Variants in TBCD observed in about 807,000 individuals in gnomAD.
The protein encoded by TBCD is tubulin folding cofactor D.
Under a neutral mutation model 169.3 loss-of-function variants are expected in TBCD, and 105 were observed. The ratio of observed to expected loss-of-function variants is 0.62; its 90% CI spans 0.53 to 0.73. The LOEUF is 0.73. TBCD is among the 30% of genes least tolerant of loss of function. The pLI is 0.00. For missense variants in TBCD, 1,444 were observed against 1,600.1 expected (o/e 0.90, Z 1.66); for synonymous variants, 700 against 643.9 (o/e 1.09, Z -1.32).
intron 14 of TBCD, among the ~76,000 whole-genome samples, 167 bp from the exon 15 acceptor site, chr17:82,883,976 CAT>C (rs1397197030): frequency 1.3e-5 from 2 of 152,154 alleles, no homozygotes; most frequent in African/African-American, 4.8e-5. Flanking sequence ...TTGGGGGTCA[CAT>C]GTGTCTGTCT....
At chr17:82,863,989 G>A (rs2056980381) in intron 13 of TBCD, among the ~76,000 whole-genome samples, 1 of 152,204 alleles carries the variant, frequency 6.6e-6, no homozygotes, top group Non-Finnish European at 1.5e-5. Context: ...CCACCCTCAG[G>A]ACTAAATGCA....
chr17:82,768,552 C>T lies in TBCD; in HGVS notation c.568C>T (p.Leu190Phe). 1 of 1,613,970 alleles carries T rather than the reference C, an allele frequency of 6.2e-7. No individual in the cohort carries two copies. The highest frequency in any genetic ancestry group is 1.1e-5 in the South Asian group (1 of 91,074). Residue 190 changes from leucine to phenylalanine, a missense_variant, in exon 5 of 39, where the codon CTC becomes TTC. Leu to Phe is a conservative substitution (Grantham distance 22). Transcript: ENST00000355528. ...QARMSIMDRI[L>F]QIAESYLIVS... is the part of the protein sequence containing the mutation. ...ACGAATGTCCATAATGGACCGTATT[C>T]TCCAAATAGCAGAGGTAAATATCAT...
At chr17:82,916,337 C>CA (rs1415839546) in intron 23 of TBCD, among the ~76,000 whole-genome samples, 1 of 152,108 alleles carries the variant, frequency 6.6e-6, no homozygotes, top group African/African-American at 2.4e-5. Flanking sequence ...CTCCATCTCC[C>CA]AGGTTCAAGT....
intron 13 of TBCD, among the ~76,000 whole-genome samples, chr17:82,843,529 A>C (rs60459805): frequency 0.019 from 406 of 21,688 alleles, no homozygotes; most frequent in African/African-American, 0.025. Context: ...CCTTCCCCTC[A>C]CCATCCAGCT....
At chr17:82,933,735 C>G (rs1312159610) in intron 34 of TBCD, among the ~76,000 whole-genome samples, 2 of 152,150 alleles carry the variant, frequency 1.3e-5, no homozygotes, top group Non-Finnish European at 1.5e-5. Flanking sequence ...TCGCAGACTT[C>G]TGAGTAGCTG....
At position 82,923,610 on chromosome 17, in the gene TBCD, G is replaced by A. The variant is rs374105387; in HGVS notation, c.2179-42G>A. 13 of 1,516,046 alleles carry A rather than the reference G, an allele frequency of 8.6e-6. No individual in the cohort carries two copies. The highest frequency in any genetic ancestry group is 2.0e-5 in the Admixed American group (1 of 50,416). The allele number at this position is 1,516,046 out of a possible 1,614,324, so 93.9% of individuals were successfully genotyped here. ...TCTGTCCCTGGCCGGGGGCTTCTCC[G>A]AGCAGAGCTGCTGTGCGCTCACCGT... On this transcript the variant is annotated intron_variant, in intron 25 of 38. Coordinates refer to ENST00000355528, the MANE Select transcript of TBCD (RefSeq NM_005993.5). The surrounding 1 kb of genome is among the most constrained non-coding windows in gnomAD (Gnocchi z 4.6).
intron 13 of TBCD, among the ~76,000 whole-genome samples, chr17:82,867,208 G>T (rs543749397): frequency 1.3e-5 from 2 of 152,218 alleles, no homozygotes; most frequent in South Asian, 4.1e-4. Flanking sequence ...TCCCTTGGGG[G>T]CTTCTCACAG....
intron 30 of TBCD, among the ~76,000 whole-genome samples, chr17:82,928,855 A>C (rs182079516): frequency 7.9e-5 from 12 of 152,138 alleles, no homozygotes; most frequent in African/African-American, 2.9e-4. Context: ...AACACGTAGC[A>C]CATGTGTAAC....
chr17:82,754,705 C>T (rs1213192956), intron 1 of TBCD, among the ~76,000 whole-genome samples: 1 of 152,178 alleles, frequency 6.6e-6, no homozygotes, highest in Admixed American at 6.5e-5. Flanking sequence ...TCAGATCTGC[C>T]CCATTGCCAT....
At chr17:82,887,168 T>TGCGCGCGCGC (rs113145269) in intron 15 of TBCD, among the ~76,000 whole-genome samples, 20 of 126,184 alleles carry the variant, frequency 1.6e-4, no homozygotes, top group South Asian at 8.8e-4. Context: ...TGTGTGTGTG[T>TGCGCGCGCGC]GCGCGCGCGC....
rs536238052 is a variant in TBCD at position 82,779,374 on chromosome 17, G to A, written c.639-2215G>A. Among the ~76,000 whole-genome samples the A allele has an allele frequency of 2.4e-4, 37 of 152,152 alleles. No homozygotes were observed. In the South Asian group the frequency reaches 7.5e-3, roughly 31 times the overall value. Reference sequence around the variant, plus strand: ...GAACTCAAGCTATTCACCCACCTCCGCCTCCCAAATTGCTGGGATTACAGG... The same window carrying A: ...GAACTCAAGCTATTCACCCACCTCCACCTCCCAAATTGCTGGGATTACAGG... On this transcript the variant is annotated intron_variant, in intron 6 of 38. Coordinates refer to ENST00000355528, the MANE Select transcript of TBCD (RefSeq NM_005993.5).
At chr17:82,934,800 T>TA (rs1418803716) in intron 34 of TBCD, among the ~76,000 whole-genome samples, 1 of 151,842 alleles carries the variant, frequency 6.6e-6, no homozygotes, top group Non-Finnish European at 1.5e-5. Flanking sequence ...TTTTCTGGCT[T>TA]AAAAATTTCA....
chr17:82,841,693 C>T (rs756031679), intron 13 of TBCD, among the ~76,000 whole-genome samples: 1 of 152,202 alleles, frequency 6.6e-6, no homozygotes, highest in African/African-American at 2.4e-5. Context: ...TTAAAACAAG[C>T]ACCGTTTTAT....
Position 82,920,067 on chromosome 17 carries a change from G to A in TBCD, c.2039-489G>A, listed in dbSNP as rs1471051065. ...CTGTCTCGTGCGTCCTGGCCCCCTC[G>A]TGGCTGGTCAGGGCCACGTTTCTGG... On this transcript the variant is annotated intron_variant, in intron 23 of 38. Transcript: ENST00000355528. The surrounding 1 kb of genome is among the most constrained non-coding windows in gnomAD (Gnocchi z 4.1). Among the ~76,000 whole-genome samples the A allele has an allele frequency of 6.6e-6, 1 of 152,178 alleles. No homozygotes were observed. The highest frequency in any genetic ancestry group is 1.9e-4 in the East Asian group (1 of 5,190).
intron 20 of TBCD, among the ~76,000 whole-genome samples, chr17:82,906,868 G>T (rs2060288266): frequency 6.6e-6 from 1 of 152,240 alleles, no homozygotes; most frequent in Non-Finnish European, 1.5e-5. Flanking sequence ...GCAAGACCTG[G>T]CCTTTATGGC....
In TBCD at chr17:82,927,261, C is replaced by T. The variant is rs2061834295; in HGVS notation, c.2547C>T (p.Tyr849=). ...GCGGAGAGAATGTTTCCCAGATTTACTGTGCGCTGCTGGGCTGCATGGACG... is the reference window on the plus strand; with the variant it reads ...GCGGAGAGAATGTTTCCCAGATTTATTGTGCGCTGCTGGGCTGCATGGACG... The part of the protein sequence containing the change: ...AVCGENVSQI[Y]CALLGCMDDY... Residue 849 remains tyrosine (Y), a synonymous_variant, in exon 29 of 39, where the codon TAC becomes TAT. Coordinates refer to ENST00000355528, the MANE Select transcript of TBCD (RefSeq NM_005993.5). The T allele has an allele frequency of 1.2e-6, 2 of 1,614,058 alleles. No individual in the cohort carries two copies. The highest frequency in any genetic ancestry group is 1.3e-5 in the African/African-American group (1 of 75,054).
At chr17:82,925,534 C>G (rs887091925) in intron 27 of TBCD, among the ~76,000 whole-genome samples, 3 of 152,138 alleles carry the variant, frequency 2.0e-5, no homozygotes, top group Non-Finnish European at 4.4e-5. Context: ...CTGCCGGGAA[C>G]TCCTGCTTGT....
chr17:82,798,811 C>T (rs1441031300), intron 8 of TBCD, among the ~76,000 whole-genome samples: 1 of 152,188 alleles, frequency 6.6e-6, no homozygotes, highest in African/African-American at 2.4e-5. Context: ...ATACATGACA[C>T]AGCTCACTGC....
intron 13 of TBCD, among the ~76,000 whole-genome samples, chr17:82,834,877 T>C (rs1049984516): frequency 1.3e-5 from 2 of 150,474 alleles, no homozygotes; most frequent in African/African-American, 5.0e-5. Context: ...ACTTAAAGTA[T>C]AATAAAAAAA....
Sources: allele counts gnomAD v4.1 joint callset (sites outside exome capture counted in the v4.1 genomes callset), GRCh38; gene constraint gnomAD v4.1.1; non-coding constraint Gnocchi (gnomAD v3.1); transcripts MANE v1.5; gene names NCBI Gene and HGNC (gene_info 2026-07-23, HGNC 2026-07-21).